The following STXBP5L variants were observed in gnomAD, a reference collection of about 807,000 sequenced individuals.
The protein encoded by STXBP5L is syntaxin binding protein 5L.
Under a neutral mutation model 144.5 loss-of-function variants are expected in STXBP5L, and 65 were observed. The ratio of observed to expected loss-of-function variants is 0.45; its 90% CI spans 0.37 to 0.55. The LOEUF (loss-of-function observed/expected upper bound fraction) is 0.55, where lower values mean the gene tolerates loss of function less well. Among genes scored for constraint, STXBP5L ranks in the 20% least tolerant of loss-of-function variants. The pLI, the probability that STXBP5L is intolerant of heterozygous loss-of-function variation, is 0.00. For synonymous variants in STXBP5L, 505 were observed against 469.6 expected, an observed-to-expected ratio of 1.08 and a Z score of -0.97; for missense variants, 1,298 against 1,405.5, an observed-to-expected ratio of 0.92 and a Z score of 1.22.
intron 23 of STXBP5L, among the ~76,000 whole-genome samples, chr3:121,409,809 C>A (rs749004334): frequency 4.0e-5 from 6 of 151,830 alleles, no homozygotes; most frequent in Non-Finnish European, 8.8e-5. Flanking sequence ...GACTATATAG[C>A]CTAGAGAGCC....
chr3:120,951,439 A>G (rs1164308343), intron 2 of STXBP5L, among the ~76,000 whole-genome samples: 1 of 152,042 alleles, frequency 6.6e-6, no homozygotes, highest in Non-Finnish European at 1.5e-5. Flanking sequence ...ATCTACAATG[A>G]ACTCAAACAA....
At chr3:120,971,869 C>T (rs1198376533) in intron 3 of STXBP5L, among the ~76,000 whole-genome samples, 1 of 151,738 alleles carries the variant, frequency 6.6e-6, no homozygotes, top group East Asian at 1.9e-4. Context: ...CGCACACATG[C>T]ATGCACACAC....
At chr3:121,018,092 A>G (rs910525021) in intron 3 of STXBP5L, among the ~76,000 whole-genome samples, 2 of 149,944 alleles carry the variant, frequency 1.3e-5, no homozygotes, top group African/African-American at 5.0e-5. Context: ...TGAATGAATG[A>G]ATGAATGAAT....
intron 22 of STXBP5L, among the ~76,000 whole-genome samples, chr3:121,382,747 C>T (rs972778131): frequency 1.3e-5 from 2 of 152,054 alleles, no homozygotes; most frequent in Non-Finnish European, 2.9e-5. Flanking sequence ...TAAGCAATCC[C>T]TGGACTAATA....
intron 20 of STXBP5L, among the ~76,000 whole-genome samples, chr3:121,326,500 C>A (rs926493544): frequency 1.3e-5 from 2 of 151,946 alleles, no homozygotes; most frequent in African/African-American, 4.8e-5. Flanking sequence ...TTCATAAGTA[C>A]ATAAACTAAA....
chr3:121,356,848 G>A (rs1176890736), intron 20 of STXBP5L: 1 of 152,468 alleles, frequency 6.6e-6, no homozygotes, highest in African/African-American at 2.4e-5. Context: ...ATTTTTAAAT[G>A]AAAAGAAGAT....
At chr3:120,998,257 A>G (rs1398043388) in intron 3 of STXBP5L, among the ~76,000 whole-genome samples, 1 of 152,186 alleles carries the variant, frequency 6.6e-6, no homozygotes, top group Non-Finnish European at 1.5e-5. Context: ...AGAAAGAAGT[A>G]AAGTCCTCCA....
chr3:120,941,916 T>C (rs1019616130), intron 2 of STXBP5L, among the ~76,000 whole-genome samples: 9 of 151,736 alleles, frequency 5.9e-5, no homozygotes, highest in Admixed American at 2.0e-4. Context: ...GAATATTATT[T>C]TCAAGGAGAA....
At position 121,001,461 on chromosome 3, in the gene STXBP5L, G is replaced by T. The variant is rs147056579; in HGVS notation, c.288-40239G>T. Among the ~76,000 whole-genome samples the T allele has an allele frequency of 1.0e-3, 153 of 152,328 alleles. 1 individual carries two copies. In the East Asian group the frequency reaches 0.02, roughly 20 times the overall value. On this transcript the variant is annotated intron_variant, in intron 3 of 26. Coordinates refer to ENST00000471454, the MANE Select transcript of STXBP5L (RefSeq NM_001308330.2). Reference sequence around the variant, plus strand: ...AAAAATACCTAAGCCACCTGGAACAGTGTGGTGAGCCTTGGAGGATGGGTA... The same window carrying T: ...AAAAATACCTAAGCCACCTGGAACATTGTGGTGAGCCTTGGAGGATGGGTA...
chr3:121,424,431 C>A lies in STXBP5L; in HGVS notation c.*5334C>A, dbSNP rs2047417320. ...AATGAGAAGAAACTCAGAGTTATTG[C>A]CTTTCATACTGCTTTCCCTCTGCTG... On this transcript the variant is annotated 3_prime_UTR_variant, in exon 27 of 27. Transcript: ENST00000471454. 6.6e-6 allele frequency: 1 copy of A among 152,150 alleles called. No individual in the cohort carries two copies. Among genetic ancestry groups the A allele is most frequent in the Non-Finnish European group, 1.5e-5 (1 of 68,032 alleles). 9.4% of individuals were successfully genotyped at this position (152,150 alleles called of 1,614,324 possible).
intron 3 of STXBP5L, among the ~76,000 whole-genome samples, chr3:121,005,714 C>T (rs1253667976): frequency 1.3e-5 from 2 of 152,188 alleles, no homozygotes; most frequent in African/African-American, 4.8e-5. Flanking sequence ...CCTCTACACA[C>T]TGCTTTAAAT....
chr3:121,386,684 T>C (rs1242794926), intron 22 of STXBP5L, among the ~76,000 whole-genome samples: 1 of 152,188 alleles, frequency 6.6e-6, no homozygotes. Context: ...GATAGTTTGC[T>C]GAGAATGATG....
chr3:121,289,350 T>C (rs563771141), intron 19 of STXBP5L, among the ~76,000 whole-genome samples: 1 of 152,018 alleles, frequency 6.6e-6, no homozygotes, highest in African/African-American at 2.4e-5. Flanking sequence ...CGGGAAAATA[T>C]AACAATTCTA....
chr3:121,039,982 C>G (rs185259826), intron 3 of STXBP5L, among the ~76,000 whole-genome samples: 4 of 151,868 alleles, frequency 2.6e-5, no homozygotes, highest in African/African-American at 9.7e-5. Context: ...ATAGATAGAT[C>G]TATCTTCTGT....
At chr3:121,098,858 G>A (rs1038131436) in intron 5 of STXBP5L, among the ~76,000 whole-genome samples, 1 of 152,074 alleles carries the variant, frequency 6.6e-6, no homozygotes, top group African/African-American at 2.4e-5. Flanking sequence ...AGCCTCCAAG[G>A]AAGTTATTGT....
intron 3 of STXBP5L, among the ~76,000 whole-genome samples, chr3:121,014,292 T>C (rs2108157588): frequency 6.6e-6 from 1 of 152,218 alleles, no homozygotes; most frequent in South Asian, 2.1e-4. Context: ...TCTATTTGTT[T>C]GTGTCATCTA....
intron 2 of STXBP5L, among the ~76,000 whole-genome samples, chr3:120,929,874 A>T (rs577742491): frequency 6.6e-6 from 1 of 152,108 alleles, no homozygotes; most frequent in Non-Finnish European, 1.5e-5. Context: ...TATACTTACT[A>T]GTCAGTTGAG....
At chr3:121,095,699 C>T (rs576713796) in intron 5 of STXBP5L, among the ~76,000 whole-genome samples, 6 of 152,126 alleles carry the variant, frequency 3.9e-5, no homozygotes, top group Admixed American at 3.9e-4. Flanking sequence ...ATTCTTTTTT[C>T]AAGGTTTTTA....
chr3:121,192,771 G>A (rs1369852823), intron 9 of STXBP5L, among the ~76,000 whole-genome samples: 4 of 152,198 alleles, frequency 2.6e-5, no homozygotes, highest in Admixed American at 2.6e-4. Context: ...CTAGCCATCT[G>A]TAGAGAGCTG....
Sources: gnomAD v4.1 joint callset for allele counts (sites outside exome capture counted in the v4.1 genomes callset) on GRCh38, gnomAD v4.1.1 for gene constraint, MANE v1.5 for transcripts, NCBI Gene and HGNC (gene_info 2026-07-23, HGNC 2026-07-21) for gene names.